Variants in HPSE2 observed in about 807,000 individuals in gnomAD.
The protein encoded by HPSE2 is heparanase 2 (inactive), also known as inactive heparanase-2.
HPSE2 carries 38 observed loss-of-function variants against 60.5 expected under a neutral mutation model. The observed-to-expected ratio is 0.63, with a 90% CI of 0.48 to 0.82. The LOEUF (loss-of-function observed/expected upper bound fraction) is 0.82. Among genes scored for constraint, HPSE2 ranks in the 40% least tolerant of loss-of-function variants. The probability of loss-of-function intolerance (pLI) is 0.00; values close to 1 mark genes in which losing one functional copy is unlikely to be tolerated. For missense variants in HPSE2, 713 were observed against 740.4 expected (o/e 0.96, Z 0.43); for synonymous variants, 295 against 293.2 (o/e 1.01, Z -0.06).
intron 11 of HPSE2, chr10:98,461,650 A>G (rs967475741): frequency 1.1e-4 from 78 of 729,180 alleles, no homozygotes; most frequent in Non-Finnish European, 1.6e-4. Context: ...CACGAGTTCA[A>G]TAATACCGAT....
intron 3 of HPSE2, among the ~76,000 whole-genome samples, chr10:98,755,289 A>G (rs1489301685): frequency 6.6e-6 from 1 of 152,232 alleles, no homozygotes; most frequent in Non-Finnish European, 1.5e-5. Flanking sequence ...GGCATTACAT[A>G]ATGAAAAAAG....
chr10:98,703,057 A>C (rs540636410), intron 5 of HPSE2, among the ~76,000 whole-genome samples: 63 of 152,296 alleles, frequency 4.1e-4, no homozygotes, highest in African/African-American at 1.5e-3. Context: ...ATAAAGAAGA[A>C]AAGAGAGAAG....
intron 8 of HPSE2, among the ~76,000 whole-genome samples, chr10:98,616,747 TTTG>T (rs1565018783): frequency 2.6e-5 from 4 of 152,190 alleles, no homozygotes; most frequent in South Asian, 4.1e-4. Flanking sequence ...TAGAATCATT[TTTG>T]TTGTTGTTCT....
chr10:99,272,940 T>C, the HPSE2 span, among the ~76,000 whole-genome samples: 1 of 152,130 alleles, frequency 6.6e-6, no homozygotes, highest in South Asian at 2.1e-4. Context: ...GGAAAAGAAG[T>C]CATTACTTGA....
chr10:98,764,044 A>G (rs1274970793), intron 3 of HPSE2, among the ~76,000 whole-genome samples: 3 of 152,098 alleles, frequency 2.0e-5, no homozygotes, highest in African/African-American at 7.2e-5. Flanking sequence ...TCAAACAACT[A>G]TCCTCTTGCC....
intron 3 of HPSE2, among the ~76,000 whole-genome samples, chr10:98,866,632 A>G (rs1189060608): frequency 6.6e-6 from 1 of 152,134 alleles, no homozygotes; most frequent in Non-Finnish European, 1.5e-5. Context: ...CACATTACCT[A>G]CAGAGGAGCA....
intron 3 of HPSE2, among the ~76,000 whole-genome samples, chr10:99,040,425 C>T (rs1957711206): frequency 6.6e-6 from 1 of 152,002 alleles, no homozygotes; most frequent in African/African-American, 2.4e-5. Context: ...AATTTGTATA[C>T]CAATTTATAT....
intron 3 of HPSE2, among the ~76,000 whole-genome samples, chr10:99,055,040 C>A (rs868452365): frequency 6.6e-6 from 1 of 151,894 alleles, no homozygotes; most frequent in South Asian, 2.1e-4. Flanking sequence ...ATTGTAATGT[C>A]GGTATTCAAT....
chr10:98,959,984 G>A (rs986571085), intron 3 of HPSE2, among the ~76,000 whole-genome samples: 11 of 152,050 alleles, frequency 7.2e-5, no homozygotes, highest in African/African-American at 2.4e-4. Context: ...GATTCTGCCA[G>A]TCAAAAGCCT....
the HPSE2 span, among the ~76,000 whole-genome samples, chr10:99,309,858 C>T: frequency 6.6e-6 from 1 of 152,198 alleles, no homozygotes; most frequent in Non-Finnish European, 1.5e-5. Context: ...TTTGTATATG[C>T]TATATATTTT....
rs566978449 is a variant in HPSE2 at position 99,173,822 on chromosome 10, G to T, written c.449-29423C>A. The stretch of plus-strand genomic sequence containing the variant: ...GCCAGGCATGGTGGCACACACCAGT[G>T]GTCCCAGCTACTCAGGAGGCTGAGG... On this transcript the variant is annotated intron_variant, in intron 2 of 11. Coordinates refer to ENST00000370552, the MANE Select transcript of HPSE2 (RefSeq NM_021828.5). 2.6e-5 allele frequency among the ~76,000 whole-genome samples: 4 copies of T among 151,760 alleles called. No individual in the cohort carries two copies. In the East Asian group the frequency reaches 7.8e-4, roughly 30 times the overall value.
At chr10:99,128,973 G>T (rs1564829874) in intron 3 of HPSE2, among the ~76,000 whole-genome samples, 1 of 151,908 alleles carries the variant, frequency 6.6e-6, no homozygotes, top group Non-Finnish European at 1.5e-5. Flanking sequence ...CATGCAAACG[G>T]ACACCAAAAG....
intron 9 of HPSE2, among the ~76,000 whole-genome samples, chr10:98,530,416 T>G (rs548002702): frequency 6.6e-6 from 1 of 152,286 alleles, no homozygotes; most frequent in East Asian, 1.9e-4. Context: ...CTCCAAAATT[T>G]GCATTTCTAA....
intron 3 of HPSE2, among the ~76,000 whole-genome samples, chr10:98,872,584 A>G (rs1952762527): frequency 6.6e-6 from 1 of 152,066 alleles, no homozygotes; most frequent in Non-Finnish European, 1.5e-5. Context: ...CTCAGGTCTG[A>G]TATGCTAGTT....
the HPSE2 span, among the ~76,000 whole-genome samples, chr10:99,291,582 GAA>G: frequency 0.83 from 96,388 of 115,476 alleles, 39,689 homozygotes; most frequent in African/African-American, 0.88. Context: ...GACTCCATCT[GAA>G]AAAAAAAAAA....
intron 3 of HPSE2, among the ~76,000 whole-genome samples, chr10:98,850,780 C>G (rs1312490880): frequency 6.7e-6 from 1 of 149,912 alleles, no homozygotes; most frequent in East Asian, 2.0e-4. Context: ...TTTAACCTTC[C>G]TAATACCCCT....
intron 9 of HPSE2, among the ~76,000 whole-genome samples, chr10:98,519,293 A>G (rs1279043545): frequency 6.6e-6 from 1 of 152,250 alleles, no homozygotes; most frequent in African/African-American, 2.4e-5. Context: ...CTCATAGTTT[A>G]GTTGGCCCAC....
At chr10:98,861,930 GA>G (rs1414413945) in intron 3 of HPSE2, among the ~76,000 whole-genome samples, 2 of 152,178 alleles carry the variant, frequency 1.3e-5, no homozygotes, top group East Asian at 3.8e-4. Context: ...GGTGGGAGTG[GA>G]TCTTTGAAAT....
chr10:98,544,128 G>A lies in HPSE2; in HGVS notation c.1321-53932C>T, dbSNP rs916786985. ...AAAAGAATAGAAATTTTAACAAACTGTCTCTCAGACCACAGTGCAATCAAA... is the reference window on the plus strand; with the variant it reads ...AAAAGAATAGAAATTTTAACAAACTATCTCTCAGACCACAGTGCAATCAAA... On this transcript the variant is annotated intron_variant, in intron 9 of 11. Coordinates refer to ENST00000370552, the MANE Select transcript of HPSE2 (RefSeq NM_021828.5). 1.3e-5 allele frequency among the ~76,000 whole-genome samples: 2 copies of A among 152,062 alleles called. 1 individual carries two copies. Among genetic ancestry groups the A allele is most frequent in the South Asian group, 4.1e-4 (2 of 4,826 alleles).
Sources: gnomAD v4.1 joint callset for allele counts (sites outside exome capture counted in the v4.1 genomes callset) on GRCh38, gnomAD v4.1.1 for gene constraint, MANE v1.5 for transcripts, NCBI Gene and HGNC (gene_info 2026-07-23, HGNC 2026-07-21) for gene names.